Variants in VEPH1 observed in about 807,000 individuals in gnomAD.
The protein encoded by VEPH1 is ventricular zone expressed PH domain containing 1, also known as ventricular zone-expressed PH domain-containing protein homolog 1.
A neutral mutation model predicts 85.2 loss-of-function variants in VEPH1; 80 were observed. The observed-to-expected ratio is 0.94, with a 90% CI of 0.78 to 1.13. The LOEUF (loss-of-function observed/expected upper bound fraction) is 1.13, where lower values mean the gene tolerates loss of function less well. Ranked by LOEUF, VEPH1 falls within the 50% of genes most tolerant of loss-of-function variation. The probability of loss-of-function intolerance (pLI) is 0.00; values close to 1 mark genes in which losing one functional copy is unlikely to be tolerated. For missense variants in VEPH1, 955 were observed against 980.5 expected (o/e 0.97, Z 0.35); for synonymous variants, 297 against 348.0 (o/e 0.85, Z 1.63).
chr3:157,395,631 C>T (rs1730305603), intron 6 of VEPH1, among the ~76,000 whole-genome samples: 1 of 152,172 alleles, frequency 6.6e-6, no homozygotes, highest in Admixed American at 6.5e-5. Flanking sequence ...ACACAGGGGA[C>T]ACAAATATCT....
Position 157,460,226 on chromosome 3 carries a change from G to A in VEPH1, c.484C>T (p.Leu162Phe). 1 of 1,614,168 alleles carries A rather than the reference G, an allele frequency of 6.2e-7. No homozygotes were observed. Among genetic ancestry groups the A allele is most frequent in the Non-Finnish European group, 8.5e-7 (1 of 1,180,042 alleles). ...ATAACTTCCGTGTGATCAGCCAGGA[G>A]ATCTGCCTTGGTAATTGCAGCCAGA... ...LSLAAITKAD[L>F]LADHTEVIVK... Residue 162 changes from leucine (L) to phenylalanine (F), a missense_variant, in exon 4 of 14, where the codon CTC becomes TTC. Coordinates refer to ENST00000362010, the MANE Select transcript of VEPH1 (RefSeq NM_001167912.2).
intron 11 of VEPH1, among the ~76,000 whole-genome samples, chr3:157,306,429 C>T (rs1305368328): frequency 2.6e-4 from 40 of 152,128 alleles, no homozygotes; most frequent in Admixed American, 2.6e-3. Context: ...AGTTTTGCAA[C>T]TTGCTTATTA....
intron 12 of VEPH1, among the ~76,000 whole-genome samples, chr3:157,276,000 G>A (rs1715346971): frequency 6.6e-6 from 1 of 152,142 alleles, no homozygotes; most frequent in Admixed American, 6.5e-5. Context: ...AATTGCTAAG[G>A]ATCATAACAA....
chr3:157,287,379 A>T (rs915514030), intron 11 of VEPH1, among the ~76,000 whole-genome samples: 4 of 149,560 alleles, frequency 2.7e-5, no homozygotes, highest in Admixed American at 1.3e-4. Flanking sequence ...TGTCTCAAAA[A>T]ATATATATAT....
intron 4 of VEPH1, among the ~76,000 whole-genome samples, chr3:157,449,367 C>T (rs1036145311): frequency 6.6e-6 from 1 of 152,130 alleles, no homozygotes; most frequent in African/African-American, 2.4e-5. Flanking sequence ...CTTATTCCAT[C>T]TGCTATTAAT....
At chr3:157,390,879 C>T (rs576588684) in intron 6 of VEPH1, among the ~76,000 whole-genome samples, 1 of 152,326 alleles carries the variant, frequency 6.6e-6, no homozygotes, top group South Asian at 2.1e-4. Context: ...CTGTAACATC[C>T]CCTCGGGGCT....
At chr3:157,427,501 G>A (rs1732842200) in intron 5 of VEPH1, among the ~76,000 whole-genome samples, 1 of 152,066 alleles carries the variant, frequency 6.6e-6, no homozygotes, top group Admixed American at 6.5e-5. Flanking sequence ...TGTCACCCAG[G>A]CTGGAGTGCA....
chr3:157,372,864 T>C (rs1727670149), intron 7 of VEPH1, among the ~76,000 whole-genome samples: 1 of 152,174 alleles, frequency 6.6e-6, no homozygotes, highest in African/African-American at 2.4e-5. Context: ...GCTATAAAAG[T>C]TCTAACTTCT....
intron 4 of VEPH1, chr3:157,459,728 C>T (rs2109357173): frequency 1.4e-6 from 2 of 1,419,318 alleles, no homozygotes; most frequent in South Asian, 1.6e-5. Context: ...TTATCCAAAT[C>T]ATGTTCACAT....
intron 9 of VEPH1, among the ~76,000 whole-genome samples, chr3:157,351,832 T>G (rs1265038912): frequency 1.3e-5 from 2 of 152,212 alleles, no homozygotes. Context: ...TTCTTTGTTT[T>G]GGGGTGGCGG....
intron 2 of VEPH1, among the ~76,000 whole-genome samples, chr3:157,483,836 T>G (rs1288013456): frequency 6.6e-6 from 1 of 152,124 alleles, no homozygotes; most frequent in African/African-American, 2.4e-5. Flanking sequence ...TAGAAGAGAG[T>G]ATGTACTCAA....
intron 9 of VEPH1, among the ~76,000 whole-genome samples, chr3:157,335,716 A>G (rs1049290593): frequency 3.9e-5 from 6 of 152,198 alleles, no homozygotes; most frequent in African/African-American, 1.4e-4. Flanking sequence ...TCAGTCAACT[A>G]TGCGTACTTT....
At chr3:157,290,713 T>C (rs1454452671) in intron 11 of VEPH1, among the ~76,000 whole-genome samples, 2 of 151,800 alleles carry the variant, frequency 1.3e-5, no homozygotes, top group East Asian at 3.9e-4. Context: ...CTAATAAGGG[T>C]TTTCCTGATA....
At chr3:157,324,378 G>A (rs1377456558) in intron 9 of VEPH1, among the ~76,000 whole-genome samples, 1 of 152,114 alleles carries the variant, frequency 6.6e-6, no homozygotes. Flanking sequence ...AGGGGTACAT[G>A]TGCAGGATGT....
chr3:157,407,111 G>A (rs1187895473), intron 6 of VEPH1, among the ~76,000 whole-genome samples: 3 of 152,112 alleles, frequency 2.0e-5, no homozygotes, highest in Admixed American at 1.3e-4. Context: ...GACCACTTGC[G>A]TGGCTAAGAG....
At chr3:157,318,676 AAG>A (rs751391462) in intron 9 of VEPH1, among the ~76,000 whole-genome samples, 4 of 152,042 alleles carry the variant, frequency 2.6e-5, no homozygotes, top group Non-Finnish European at 5.9e-5. Flanking sequence ...GAAAGAAAGA[AAG>A]AAAGAAAATT....
chr3:157,496,667 C>A (rs1739690095), intron 1 of VEPH1, among the ~76,000 whole-genome samples: 1 of 152,078 alleles, frequency 6.6e-6, no homozygotes, highest in Non-Finnish European at 1.5e-5. Flanking sequence ...CTTGGGTAGT[C>A]TCAGACCTCT....
chr3:157,423,684 C>T (rs934812725), intron 5 of VEPH1, among the ~76,000 whole-genome samples: 1 of 152,150 alleles, frequency 6.6e-6, no homozygotes, highest in Non-Finnish European at 1.5e-5. Flanking sequence ...AATTTATCAC[C>T]TTGTTTAATT....
chr3:157,473,116 A>T (rs1218061589), intron 2 of VEPH1, among the ~76,000 whole-genome samples: 1 of 122,436 alleles, frequency 8.2e-6, no homozygotes, highest in African/African-American at 3.3e-5. Context: ...TCTGTCACCC[A>T]GGCTGGAGTG....
Sources: gnomAD v4.1 joint callset for allele counts (sites outside exome capture counted in the v4.1 genomes callset) on GRCh38, gnomAD v4.1.1 for gene constraint, MANE v1.5 for transcripts, NCBI Gene and HGNC (gene_info 2026-07-23, HGNC 2026-07-21) for gene names.